The following SLC24A2 variants were observed in gnomAD, a reference collection of about 807,000 sequenced individuals.
SLC24A2 encodes solute carrier family 24 member 2, also known as sodium/potassium/calcium exchanger 2.
In SLC24A2, 36 loss-of-function variants were observed where a neutral mutation model predicts 62.0. The ratio of observed to expected loss-of-function variants is 0.58; its 90% CI spans 0.44 to 0.77. The LOEUF is 0.77. Ranked by LOEUF, SLC24A2 falls within the 30% of genes least tolerant of loss-of-function variation. SLC24A2 has a pLI of 0.00. For missense variants in SLC24A2, 846 were observed against 817.9 expected (o/e 1.03, Z -0.42); for synonymous variants, 358 against 294.0 (o/e 1.22, Z -2.23).
At chr9:19,833,035 A>T in the SLC24A2 span, among the ~76,000 whole-genome samples, 1 of 152,312 alleles carries the variant, frequency 6.6e-6, no homozygotes, top group South Asian at 2.1e-4. Context: ...TCAAAACCAC[A>T]ATGAGATACC....
At chr9:19,730,987 G>T (rs1381785440) in intron 2 of SLC24A2, among the ~76,000 whole-genome samples, 1 of 151,728 alleles carries the variant, frequency 6.6e-6, no homozygotes, top group Non-Finnish European at 1.5e-5. Flanking sequence ...AGTTCATTTT[G>T]CTTCATAGTC....
chr9:20,072,219 C>A, the SLC24A2 span, among the ~76,000 whole-genome samples: 1 of 152,072 alleles, frequency 6.6e-6, no homozygotes, highest in Non-Finnish European at 1.5e-5. Context: ...TGATGTAAAC[C>A]CAGCAACGCC....
intron 2 of SLC24A2, among the ~76,000 whole-genome samples, chr9:19,736,010 A>G (rs1056120863): frequency 6.6e-6 from 1 of 152,230 alleles, no homozygotes; most frequent in African/African-American, 2.4e-5. Context: ...GTATAAAAAA[A>G]AAGAATTAAA....
In SLC24A2 at chr9:19,636,310, T is replaced by TTTC. The variant is rs1213387858; in HGVS notation, c.931-14012_931-14011insGAA. On this transcript the variant is annotated intron_variant, in intron 2 of 10. Coordinates refer to ENST00000341998, the MANE Select transcript of SLC24A2 (RefSeq NM_020344.4). ...TCTTCTTTTCTTTTCTTTTCTTTTC[T>TTTC]TTTCTTTTCTTTCTTTCTTTCTTTC... Among the ~76,000 whole-genome samples, 98 of 34,186 alleles carry TTTC rather than the reference T, an allele frequency of 2.9e-3. 10 individuals are homozygous for TTTC. The highest frequency in any genetic ancestry group is 0.01 in the African/African-American group (82 of 7,912). 22.4% of individuals were successfully genotyped at this position (34,186 alleles called of 152,430 possible).
chr9:20,101,100 T>C, the SLC24A2 span, among the ~76,000 whole-genome samples: 1 of 152,222 alleles, frequency 6.6e-6, no homozygotes, highest in Non-Finnish European at 1.5e-5. Context: ...GTGCTGAATT[T>C]CACAATCAGA....
At chr9:20,179,362 A>G in the SLC24A2 span, among the ~76,000 whole-genome samples, 2 of 152,168 alleles carry the variant, frequency 1.3e-5, no homozygotes, top group African/African-American at 2.4e-5. Flanking sequence ...ACATGCCCCA[A>G]TCGGAGAAAA....
the SLC24A2 span, among the ~76,000 whole-genome samples, chr9:20,304,991 C>T: frequency 6.6e-6 from 1 of 151,904 alleles, no homozygotes; most frequent in African/African-American, 2.4e-5. Flanking sequence ...ACTTAAATGA[C>T]TCCCCACTTC....
intron 2 of SLC24A2, among the ~76,000 whole-genome samples, chr9:19,769,266 G>A (rs1291882004): frequency 6.6e-6 from 1 of 152,020 alleles, no homozygotes; most frequent in Non-Finnish European, 1.5e-5. Flanking sequence ...AGCAAATGTC[G>A]TTAGCTCTAC....
At chr9:20,096,255 C>G in the SLC24A2 span, among the ~76,000 whole-genome samples, 1 of 152,146 alleles carries the variant, frequency 6.6e-6, no homozygotes, top group African/African-American at 2.4e-5. Context: ...CATAGTATTA[C>G]CAGGTATCAC....
At chr9:19,544,374 C>G (rs115868829) in intron 8 of SLC24A2, among the ~76,000 whole-genome samples, 9 of 151,338 alleles carry the variant, frequency 5.9e-5, no homozygotes, top group Admixed American at 4.6e-4. Context: ...TGGGTCTTGA[C>G]GCTTATCCAA....
At chr9:19,573,319 C>T (rs752144532) in intron 7 of SLC24A2, 32 bp downstream of exon 7, 2 of 1,402,736 alleles carry the variant, frequency 1.4e-6, no homozygotes, top group Non-Finnish European at 2.0e-6. Context: ...TTAAGAACAA[C>T]AGCCCAGAAG....
the SLC24A2 span, among the ~76,000 whole-genome samples, chr9:20,205,597 G>A: frequency 7.3e-6 from 1 of 137,504 alleles, no homozygotes; most frequent in Non-Finnish European, 1.5e-5. Context: ...CTTGCAGTGA[G>A]CCAAGATCAC....
intron 2 of SLC24A2, among the ~76,000 whole-genome samples, chr9:19,686,274 T>C (rs1185438451): frequency 1.3e-5 from 2 of 152,096 alleles, no homozygotes; most frequent in South Asian, 2.1e-4. Context: ...CTGGTGAGGT[T>C]GCAGAGTGAA....
the SLC24A2 span, among the ~76,000 whole-genome samples, chr9:20,159,851 T>C: frequency 1.3e-5 from 2 of 151,526 alleles, no homozygotes; most frequent in African/African-American, 2.4e-5. Context: ...AAGTTTAAAA[T>C]ATACAAAGAA....
chr9:19,725,650 A>T (rs1377533883), intron 2 of SLC24A2, among the ~76,000 whole-genome samples: 2 of 152,158 alleles, frequency 1.3e-5, no homozygotes, highest in East Asian at 3.9e-4. Context: ...ATATAATGAG[A>T]CGGTATATGA....
intron 4 of SLC24A2, among the ~76,000 whole-genome samples, chr9:19,598,664 T>C (rs1836767910): frequency 6.6e-6 from 1 of 152,040 alleles, no homozygotes; most frequent in Admixed American, 6.6e-5. Flanking sequence ...GAAAAAAATA[T>C]ATACATACGT....
the SLC24A2 span, among the ~76,000 whole-genome samples, chr9:19,838,511 C>T: frequency 2.0e-5 from 3 of 151,776 alleles, no homozygotes; most frequent in Admixed American, 6.6e-5. Flanking sequence ...TGGTAGCACA[C>T]GCCTGTAATC....
At chr9:20,154,314 T>C in the SLC24A2 span, among the ~76,000 whole-genome samples, 1 of 151,754 alleles carries the variant, frequency 6.6e-6, no homozygotes, top group East Asian at 1.9e-4. Context: ...TCACACTGGG[T>C]ACTGACAGCC....
chr9:20,012,663 GAAACAAATTCAGT>G, the SLC24A2 span, among the ~76,000 whole-genome samples: 1 of 151,972 alleles, frequency 6.6e-6, no homozygotes, highest in Non-Finnish European at 1.5e-5. Context: ...AAAACTATTG[GAAACAAATTCAGT>G]AAACAAATTC....
Sources: gnomAD v4.1 joint callset for allele counts (sites outside exome capture counted in the v4.1 genomes callset) on GRCh38, gnomAD v4.1.1 for gene constraint, MANE v1.5 for transcripts, NCBI Gene and HGNC (gene_info 2026-07-23, HGNC 2026-07-21) for gene names.